TMTC2: variants seen among roughly 807,000 people sequenced by gnomAD.
TMTC2 encodes protein O-mannosyl-transferase TMTC2.
TMTC2 carries 43 observed loss-of-function variants against 82.4 expected under a neutral mutation model. The observed-to-expected ratio is 0.52, with a 90% CI of 0.41 to 0.67. TMTC2 has a LOEUF of 0.67. Among genes scored for constraint, TMTC2 ranks in the 30% least tolerant of loss-of-function variants. The pLI is 0.00. For synonymous variants in TMTC2, 408 were observed against 381.9 expected (o/e 1.07, Z -0.80); for missense variants, 919 against 1,012.4 (o/e 0.91, Z 1.25).
intron 4 of TMTC2, among the ~76,000 whole-genome samples, chr12:82,935,684 A>G (rs565083025): frequency 2.0e-5 from 3 of 152,328 alleles, no homozygotes; most frequent in Non-Finnish European, 4.4e-5. Context: ...TCAATAGAGC[A>G]TTAAATATTG....
At chr12:82,760,813 C>T in intron 1 of TMTC2, 1 of 400,088 alleles carries the variant, frequency 2.5e-6, no homozygotes, top group Non-Finnish European at 5.1e-6. Context: ...ATCTAGGTTT[C>T]ATACTTGTTA....
chr12:83,032,453 C>T (rs1881478487), intron 9 of TMTC2, among the ~76,000 whole-genome samples: 1 of 151,432 alleles, frequency 6.6e-6, no homozygotes, highest in Non-Finnish European at 1.5e-5. Flanking sequence ...TTACATCATA[C>T]TCCTAAAATA....
At chr12:82,744,493 G>A (rs1592894547) in intron 1 of TMTC2, among the ~76,000 whole-genome samples, 3 of 149,458 alleles carry the variant, frequency 2.0e-5, no homozygotes, top group African/African-American at 7.4e-5. Flanking sequence ...ATAACTGAGG[G>A]GCTGAAGCAG....
At chr12:82,813,136 A>G (rs1459310327) in intron 1 of TMTC2, among the ~76,000 whole-genome samples, 2 of 152,086 alleles carry the variant, frequency 1.3e-5, no homozygotes, top group Admixed American at 6.5e-5. Flanking sequence ...GAACTCAGCT[A>G]TGTAATACTT....
chr12:82,831,326 C>G (rs1334477819), intron 1 of TMTC2, among the ~76,000 whole-genome samples: 1 of 152,184 alleles, frequency 6.6e-6, no homozygotes, highest in Non-Finnish European at 1.5e-5. Context: ...CTGCAAACAT[C>G]AAATTCTCAA....
chr12:83,048,237 A>G (rs1205880917), intron 9 of TMTC2, among the ~76,000 whole-genome samples: 1 of 152,154 alleles, frequency 6.6e-6, no homozygotes, highest in Non-Finnish European at 1.5e-5. Context: ...ATATGAGGAG[A>G]TAAGAATATT....
intron 1 of TMTC2, among the ~76,000 whole-genome samples, chr12:82,729,611 A>G (rs1032243529): frequency 2.6e-5 from 4 of 152,170 alleles, no homozygotes; most frequent in African/African-American, 7.2e-5. Flanking sequence ...AAATGCACCA[A>G]TCAGCACCCT....
intron 1 of TMTC2, among the ~76,000 whole-genome samples, chr12:82,742,686 AT>A (rs201296323): frequency 6.6e-6 from 1 of 150,792 alleles, no homozygotes; most frequent in Non-Finnish European, 1.5e-5. Flanking sequence ...TGCCAGGCTA[AT>A]TTTTTTTTGT....
At chr12:82,916,689 A>G (rs1036854708) in intron 3 of TMTC2, among the ~76,000 whole-genome samples, 9 of 152,226 alleles carry the variant, frequency 5.9e-5, no homozygotes, top group Non-Finnish European at 1.0e-4. Flanking sequence ...CATAGATGTT[A>G]TAGTGACAAA....
chr12:82,770,489 G>A (rs1236634486), intron 1 of TMTC2, among the ~76,000 whole-genome samples: 4 of 151,730 alleles, frequency 2.6e-5, no homozygotes, highest in African/African-American at 4.9e-5. Flanking sequence ...AAGAAGATGC[G>A]TTGATTCTCA....
chr12:82,944,658 T>C (rs1048087158), intron 4 of TMTC2, among the ~76,000 whole-genome samples: 39 of 151,990 alleles, frequency 2.6e-4, no homozygotes, highest in African/African-American at 9.4e-4. Flanking sequence ...TGTGATGTCA[T>C]TGAAGCTGTT....
intron 3 of TMTC2, among the ~76,000 whole-genome samples, chr12:82,917,763 G>A (rs1471109017): frequency 2.0e-5 from 3 of 151,512 alleles, no homozygotes; most frequent in African/African-American, 7.3e-5. Context: ...CACCAGGCCC[G>A]GCTAATTTTT....
intron 1 of TMTC2, among the ~76,000 whole-genome samples, chr12:82,806,444 C>T (rs11115435): frequency 0.14 from 20,657 of 151,994 alleles, 1,677 homozygotes; most frequent in African/African-American, 0.21. Context: ...TGGTATTTGG[C>T]ATTTTTGTTT....
chr12:82,819,757 C>T (rs772385469), intron 1 of TMTC2, among the ~76,000 whole-genome samples: 2 of 152,124 alleles, frequency 1.3e-5, no homozygotes, highest in Non-Finnish European at 2.9e-5. Flanking sequence ...CCTGCCTCGG[C>T]TTCCCAAAGT....
At chr12:82,777,621 T>G (rs1036213895) in intron 1 of TMTC2, among the ~76,000 whole-genome samples, 7 of 152,174 alleles carry the variant, frequency 4.6e-5, no homozygotes, top group Non-Finnish European at 2.9e-5. Context: ...CCCAATAAAA[T>G]GTTCTGGAGA....
At chr12:83,111,669 C>G (rs879458469) in intron 11 of TMTC2, among the ~76,000 whole-genome samples, 3 of 151,932 alleles carry the variant, frequency 2.0e-5, no homozygotes, top group Non-Finnish European at 2.9e-5. Flanking sequence ...TTATCTATGT[C>G]TTACAAATGT....
intron 1 of TMTC2, among the ~76,000 whole-genome samples, chr12:82,838,291 C>T (rs1468276116): frequency 6.6e-6 from 1 of 152,190 alleles, no homozygotes; most frequent in Non-Finnish European, 1.5e-5. Context: ...TATCATTTCC[C>T]TCCCTCAAAA....
At chr12:82,832,674 T>G (rs560886012) in intron 1 of TMTC2, among the ~76,000 whole-genome samples, 1 of 152,314 alleles carries the variant, frequency 6.6e-6, no homozygotes, top group Non-Finnish European at 1.5e-5. Context: ...GGCACAAATC[T>G]TCACTACAAA....
chr12:82,802,904 AGG>A, intron 1 of TMTC2, among the ~76,000 whole-genome samples: 1 of 152,188 alleles, frequency 6.6e-6, no homozygotes, highest in African/African-American at 2.4e-5. Context: ...GACACATTCA[AGG>A]AGCTTCTGTA....
Sources: gnomAD v4.1 joint callset for allele counts (sites outside exome capture counted in the v4.1 genomes callset) on GRCh38, gnomAD v4.1.1 for gene constraint, MANE v1.5 for transcripts, NCBI Gene and HGNC (gene_info 2026-07-23, HGNC 2026-07-21) for gene names.